The following CAMK2D variants were observed in gnomAD, a reference collection of about 807,000 sequenced individuals.
The protein encoded by CAMK2D is calcium/calmodulin-dependent protein kinase type II subunit delta.
Under a neutral mutation model 84.0 loss-of-function variants are expected in CAMK2D, and 37 were observed. The ratio of observed to expected loss-of-function variants is 0.44; its 90% CI spans 0.34 to 0.58. The LOEUF (loss-of-function observed/expected upper bound fraction) is 0.58. Ranked by LOEUF, CAMK2D falls within the 20% of genes least tolerant of loss-of-function variation. The pLI is 0.02. For missense variants in CAMK2D, 448 were observed against 652.5 expected, an observed-to-expected ratio of 0.69 and a Z score of 3.41; for synonymous variants, 202 against 212.5, an observed-to-expected ratio of 0.95 and a Z score of 0.43.
At chr4:113,594,170 A>C (rs1477621559) in intron 4 of CAMK2D, among the ~76,000 whole-genome samples, 1 of 152,144 alleles carries the variant, frequency 6.6e-6, no homozygotes, top group Non-Finnish European at 1.5e-5. Flanking sequence ...AAATGAACAG[A>C]TCTCAGGAGA....
intron 13 of CAMK2D, chr4:113,508,251 C>T (rs11098193): frequency 0.23 from 348,814 of 1,542,986 alleles, 42,934 homozygotes; most frequent in Non-Finnish European, 0.25. Flanking sequence ...TCTGAACACT[C>T]GAACTGGACT....
At chr4:113,626,409 T>C (rs978224164) in intron 3 of CAMK2D, among the ~76,000 whole-genome samples, 1 of 152,218 alleles carries the variant, frequency 6.6e-6, no homozygotes, top group African/African-American at 2.4e-5. Flanking sequence ...GCTGCATGAA[T>C]GTTGTGTACT....
Position 113,750,204 on chromosome 4 carries a change from G to C in CAMK2D, c.160+9116C>G, listed in dbSNP as rs79198835. On this transcript the variant is annotated intron_variant, in intron 2 of 20. Transcript: ENST00000511664. ...GGAGACAACAATCTCTCTGGCTAGA[G>C]AAAGTAAGGAGAGGTGGGGGAAGAA... is the stretch of plus-strand genomic sequence containing the variant. Among the ~76,000 whole-genome samples the C allele has an allele frequency of 4.7e-3, 716 of 152,290 alleles. 10 individuals carry two copies. The highest frequency in any genetic ancestry group is 0.017 in the African/African-American group (687 of 41,556).
chr4:113,686,964 G>A (rs964851422), intron 2 of CAMK2D, among the ~76,000 whole-genome samples: 1 of 151,854 alleles, frequency 6.6e-6, no homozygotes, highest in Non-Finnish European at 1.5e-5. Flanking sequence ...ACCAAAAAAT[G>A]TAGCTCCAAA....
intron 6 of CAMK2D, among the ~76,000 whole-genome samples, chr4:113,538,613 TAAAC>T (rs1404376342): frequency 1.1e-4 from 17 of 152,156 alleles, no homozygotes; most frequent in African/African-American, 4.1e-4. Flanking sequence ...TATATGTTAA[TAAAC>T]AAGTAATGTC....
intron 3 of CAMK2D, among the ~76,000 whole-genome samples, chr4:113,614,654 C>A (rs962578093): frequency 6.6e-6 from 1 of 152,128 alleles, no homozygotes; most frequent in African/African-American, 2.4e-5. Context: ...TACAGTAGAG[C>A]ACCCAACTGA....
At chr4:113,604,754 G>A (rs1412064132) in intron 4 of CAMK2D, among the ~76,000 whole-genome samples, 2 of 152,028 alleles carry the variant, frequency 1.3e-5, no homozygotes, top group Non-Finnish European at 2.9e-5. Context: ...CTTTCTTTAT[G>A]TTCTTCACCA....
chr4:113,681,476 G>C (rs1284259716), intron 2 of CAMK2D, among the ~76,000 whole-genome samples: 2 of 152,156 alleles, frequency 1.3e-5, no homozygotes, highest in East Asian at 3.9e-4. Flanking sequence ...CCCCAGCAAT[G>C]TGGAACTGTG....
At chr4:113,459,637 A>C (rs1036661274) in intron 18 of CAMK2D, among the ~76,000 whole-genome samples, 1 of 128,096 alleles carries the variant, frequency 7.8e-6, no homozygotes, top group African/African-American at 3.0e-5. Context: ...AATCAACATT[A>C]CTTTTTTTTT....
In CAMK2D at chr4:113,476,595, A is replaced by C. The variant is rs72903989; in HGVS notation, c.1136-10991T>G. 4.1e-3 allele frequency among the ~76,000 whole-genome samples: 629 copies of C among 152,256 alleles called. 8 individuals are homozygous for C. The highest frequency in any genetic ancestry group is 0.014 in the African/African-American group (587 of 41,534). On this transcript the variant is annotated intron_variant, in intron 16 of 20. Transcript: ENST00000511664. ...GACTGAAACTACCTTCATAAAACTA[A>C]TAAAAGGCCACAAGGTTAGAATTAT...
At chr4:113,676,553 A>T (rs2099319079) in intron 2 of CAMK2D, among the ~76,000 whole-genome samples, 1 of 152,214 alleles carries the variant, frequency 6.6e-6, no homozygotes, top group Non-Finnish European at 1.5e-5. Context: ...AGTTCCTCAA[A>T]TGTGCCATTG....
At chr4:113,454,664 T>C in intron 20 of CAMK2D, 149 bp from the exon 21 acceptor site, 1 of 543,166 alleles carries the variant, frequency 1.8e-6, no homozygotes, top group Non-Finnish European at 3.4e-6. Context: ...TGTTTGCTTG[T>C]GATCATTACA....
chr4:113,637,532 G>C (rs142952578), intron 3 of CAMK2D, among the ~76,000 whole-genome samples: 2 of 152,254 alleles, frequency 1.3e-5, no homozygotes, highest in African/African-American at 4.8e-5. Context: ...GGTTTCATTT[G>C]TATTTGGTTT....
intron 2 of CAMK2D, among the ~76,000 whole-genome samples, chr4:113,698,367 A>C (rs1210016884): frequency 1.2e-4 from 19 of 152,058 alleles, no homozygotes; most frequent in Non-Finnish European, 2.9e-5. Context: ...ATGTAACCAA[A>C]GATCTCTCTG....
At chr4:113,726,875 G>A (rs543339827) in intron 2 of CAMK2D, among the ~76,000 whole-genome samples, 7 of 152,118 alleles carry the variant, frequency 4.6e-5, no homozygotes, top group South Asian at 2.1e-4. Flanking sequence ...TTTGAAACCC[G>A]ATACAGTTCT....
chr4:113,588,848 A>G (rs1257369021), intron 4 of CAMK2D, among the ~76,000 whole-genome samples: 1 of 151,682 alleles, frequency 6.6e-6, no homozygotes, highest in Admixed American at 6.6e-5. Context: ...AATTAACCAG[A>G]TAAATTAATT....
intron 5 of CAMK2D, chr4:113,548,512 C>A: frequency 1.9e-6 from 1 of 527,372 alleles, no homozygotes; most frequent in South Asian, 2.7e-5. Flanking sequence ...GAAGAGGCAT[C>A]ATGCATTATC....
intron 16 of CAMK2D, among the ~76,000 whole-genome samples, chr4:113,486,969 T>G (rs557079769): frequency 2.1e-4 from 32 of 152,346 alleles, no homozygotes; most frequent in Admixed American, 1.7e-3. Flanking sequence ...TAGAGTCTAG[T>G]TAGAAGACTA....
intron 2 of CAMK2D, among the ~76,000 whole-genome samples, chr4:113,680,182 T>C (rs549497353): frequency 2.6e-5 from 4 of 152,310 alleles, no homozygotes; most frequent in Non-Finnish European, 5.9e-5. Context: ...TGGAAGCAGA[T>C]GCTGAGATGG....
Sources: allele counts gnomAD v4.1 joint callset (sites outside exome capture counted in the v4.1 genomes callset), GRCh38; gene constraint gnomAD v4.1.1; transcripts MANE v1.5; gene names NCBI Gene and HGNC (gene_info 2026-07-23, HGNC 2026-07-21).